Variants in ZNF704 observed in about 807,000 individuals in gnomAD.
The protein encoded by ZNF704 is zinc finger protein 704.
Under a neutral mutation model 44.7 loss-of-function variants are expected in ZNF704, and 10 were observed. That is an observed-to-expected ratio of 0.22 (90% CI 0.14 to 0.38). The LOEUF (loss-of-function observed/expected upper bound fraction) is 0.38, where lower values mean the gene tolerates loss of function less well. Ranked by LOEUF, ZNF704 falls within the 10% of genes least tolerant of loss-of-function variation. ZNF704 has a pLI of 1.00. For synonymous variants in ZNF704, 211 were observed against 207.6 expected (o/e 1.02, Z -0.14); for missense variants, 390 against 545.5 (o/e 0.71, Z 2.84).
At chr8:80,754,059 C>CT (rs1806994532) in intron 2 of ZNF704, among the ~76,000 whole-genome samples, 1 of 152,210 alleles carries the variant, frequency 6.6e-6, no homozygotes, top group Non-Finnish European at 1.5e-5. Flanking sequence ...ATGCCACTGT[C>CT]TATCAGAAAT....
chr8:80,726,124 AAATT>A lies in ZNF704; in HGVS notation c.222-33021_222-33018del, dbSNP rs370130728. Among the ~76,000 whole-genome samples, 45 of 152,184 alleles carry A rather than the reference AAATT, an allele frequency of 3.0e-4. No homozygotes were observed. In the East Asian group the frequency reaches 7.3e-3, roughly 25 times the overall value. On this transcript the variant is annotated intron_variant, in intron 2 of 8. Transcript: ENST00000327835. ...ATTGGCCATCTGACTTACAGATATA[AAATT>A]AATAATTATAAAATTAATACATATT...
chr8:80,808,111 A>G (rs2129823263), intron 2 of ZNF704, among the ~76,000 whole-genome samples: 1 of 152,354 alleles, frequency 6.6e-6, no homozygotes, highest in Non-Finnish European at 1.5e-5. Flanking sequence ...AAGTCCAAAG[A>G]CTTCCTTAAG....
intron 5 of ZNF704, among the ~76,000 whole-genome samples, chr8:80,665,961 ATTTAT>A (rs113582185): frequency 3.3e-5 from 5 of 149,278 alleles, no homozygotes; most frequent in Admixed American, 3.3e-4. Context: ...TTTATTTTTT[ATTTAT>A]TTATTTTTTT....
At chr8:80,823,306 C>T (rs902055615) in intron 1 of ZNF704, among the ~76,000 whole-genome samples, 1 of 152,224 alleles carries the variant, frequency 6.6e-6, no homozygotes, top group Non-Finnish European at 1.5e-5. Context: ...CCCACACCCA[C>T]GAAGTCTTGC....
chr8:80,773,658 T>C (rs943048458), intron 2 of ZNF704, among the ~76,000 whole-genome samples: 6 of 152,218 alleles, frequency 3.9e-5, no homozygotes, highest in African/African-American at 1.4e-4. Flanking sequence ...GAGAATGTCT[T>C]GATTTGTGAT....
intron 6 of ZNF704, among the ~76,000 whole-genome samples, chr8:80,664,033 A>C (rs566298186): frequency 2.7e-5 from 4 of 146,828 alleles, no homozygotes; most frequent in African/African-American, 1.0e-4. Context: ...GCCCGGCCTT[A>C]TTTTTTTTTT....
intron 1 of ZNF704, among the ~76,000 whole-genome samples, chr8:80,866,436 C>A (rs1809156225): frequency 6.6e-6 from 1 of 152,110 alleles, no homozygotes; most frequent in Non-Finnish European, 1.5e-5. Context: ...AAAACATGGA[C>A]CTCACACCCA....
At chr8:80,864,728 CCA>C (rs1326410752) in intron 1 of ZNF704, among the ~76,000 whole-genome samples, 2 of 152,136 alleles carry the variant, frequency 1.3e-5, no homozygotes, top group African/African-American at 4.8e-5. Context: ...GTCTGAGACA[CCA>C]ACGCACAGGA....
chr8:80,692,886 CCTG>C, intron 3 of ZNF704, 115 bp downstream of exon 3: 1 of 871,062 alleles, frequency 1.1e-6, no homozygotes, highest in Non-Finnish European at 1.8e-6. Context: ...CTCTTTGCTT[CCTG>C]CTAATGGGTG....
At chr8:80,759,705 GA>G (rs1282963244) in intron 2 of ZNF704, among the ~76,000 whole-genome samples, 1 of 152,150 alleles carries the variant, frequency 6.6e-6, no homozygotes, top group Non-Finnish European at 1.5e-5. Context: ...GTGAGCTTGG[GA>G]GAGGATCCCT....
chr8:80,741,246 A>C (rs1806750330), intron 2 of ZNF704, among the ~76,000 whole-genome samples: 1 of 152,242 alleles, frequency 6.6e-6, no homozygotes, highest in Admixed American at 6.5e-5. Context: ...GGACACCTGA[A>C]GCAGAAGCGG....
At chr8:80,832,066 T>G (rs1808480716) in intron 1 of ZNF704, among the ~76,000 whole-genome samples, 1 of 152,198 alleles carries the variant, frequency 6.6e-6, no homozygotes, top group Admixed American at 6.5e-5. Context: ...GGAACAAAGC[T>G]TCAATGTTCA....
chr8:80,838,964 TG>T (rs1288529909), intron 1 of ZNF704, among the ~76,000 whole-genome samples: 1 of 152,122 alleles, frequency 6.6e-6, no homozygotes, highest in African/African-American at 2.4e-5. Flanking sequence ...CCAGCAGTAG[TG>T]GGAGCTGCCT....
intron 2 of ZNF704, among the ~76,000 whole-genome samples, chr8:80,723,037 T>G (rs770089455): frequency 6.6e-5 from 10 of 152,380 alleles, no homozygotes; most frequent in Non-Finnish European, 1.2e-4. Flanking sequence ...AGAAATAATA[T>G]TTGAAGATAC....
chr8:80,727,828 A>G (rs932554301), intron 2 of ZNF704, among the ~76,000 whole-genome samples: 1 of 152,162 alleles, frequency 6.6e-6, no homozygotes, highest in Non-Finnish European at 1.5e-5. Flanking sequence ...GCTGTTCCTG[A>G]GGAAATGGCA....
At chr8:80,693,493 G>A (rs113515851) in intron 2 of ZNF704, among the ~76,000 whole-genome samples, 3,897 of 152,266 alleles carry the variant, frequency 0.026, 133 homozygotes, top group African/African-American at 0.089. Flanking sequence ...GAGGAACAAA[G>A]TCATTTCTGA....
chr8:80,717,458 G>A (rs111775479), intron 2 of ZNF704, among the ~76,000 whole-genome samples: 65 of 152,306 alleles, frequency 4.3e-4, no homozygotes, highest in African/African-American at 1.2e-3. Flanking sequence ...TACTTATTCC[G>A]TAACTCAATT....
chr8:80,739,314 T>C lies in ZNF704; in HGVS notation c.222-46207A>G, dbSNP rs140254280. 4.6e-3 allele frequency among the ~76,000 whole-genome samples: 693 copies of C among 152,264 alleles called. 8 individuals are homozygous for C. The highest frequency in any genetic ancestry group is 0.016 in the African/African-American group (646 of 41,546). On this transcript the variant is annotated intron_variant, in intron 2 of 8. Transcript: ENST00000327835. ...GGGATATGTCCCACACTTGGTTAAA[T>C]TGGAACTCTGTCTCCCTGGGATATG... is the stretch of plus-strand genomic sequence containing the variant.
intron 2 of ZNF704, among the ~76,000 whole-genome samples, chr8:80,712,051 C>T (rs2131660613): frequency 6.6e-6 from 1 of 152,346 alleles, no homozygotes; most frequent in East Asian, 1.9e-4. Context: ...ACTTAATCCC[C>T]AATGCAACAA....
Sources: allele counts gnomAD v4.1 joint callset (sites outside exome capture counted in the v4.1 genomes callset), GRCh38; gene constraint gnomAD v4.1.1; transcripts MANE v1.5; gene names NCBI Gene and HGNC (gene_info 2026-07-23, HGNC 2026-07-21).